The following INTS6 variants were observed in gnomAD, a reference collection of about 807,000 sequenced individuals.
The protein encoded by INTS6 is DEAD box protein.
A neutral mutation model predicts 104.9 loss-of-function variants in INTS6; 16 were observed. The observed-to-expected ratio is 0.15, with a 90% CI of 0.10 to 0.23. The LOEUF is 0.23. Among genes scored for constraint, INTS6 ranks in the 10% least tolerant of loss-of-function variants. The pLI is 1.00. For missense variants in INTS6, 584 were observed against 1,062.8 expected (o/e 0.55, Z 6.26); for synonymous variants, 324 against 358.7 (o/e 0.90, Z 1.09).
chr13:51,452,129 GC>G lies in INTS6; in HGVS notation c.112-75del. On this transcript the variant is annotated intron_variant, in intron 1 of 17. Transcript: ENST00000311234. The surrounding 1 kb of genome is among the most constrained non-coding windows in gnomAD (Gnocchi z 4.2). The stretch of plus-strand genomic sequence containing the variant: ...CGAGGTTACGAGGCGGAGAAGGGGC[GC>G]CCAGCGGCCCCGCCGCCCCCACAGT... 1 of 1,391,016 alleles carries G rather than the reference GC, an allele frequency of 7.2e-7. No homozygotes were observed. The highest frequency in any genetic ancestry group is 1.0e-6 in the Non-Finnish European group (1 of 996,528). The allele number at this position is 1,391,016 out of a possible 1,614,324, so 86.2% of individuals were successfully genotyped here. A position where few individuals can be genotyped will look rare whatever the true frequency, so the allele number is the denominator to read the frequency against.
intron 3 of INTS6, among the ~76,000 whole-genome samples, chr13:51,433,583 T>TAGCA (rs1432161134): frequency 6.6e-6 from 1 of 152,232 alleles, no homozygotes; most frequent in African/African-American, 2.4e-5. Context: ...ATCTACCATG[T>TAGCA]AGCAGACTCA....
chr13:51,335,023 G>A, the INTS6 span, among the ~76,000 whole-genome samples: 1 of 150,686 alleles, frequency 6.6e-6, no homozygotes, highest in African/African-American at 2.4e-5. Flanking sequence ...TAAAGCCGTA[G>A]TTATGAAAGC....
chr13:51,378,428 A>G lies in INTS6; in HGVS notation c.1413T>C (p.Ile471=). ...QQAKIESDRV[I]GSVGKKVVQE... is the part of the protein sequence containing the mutation. ...GTACTACTTTTTTGCCTACAGATCC[A>G]ATGACTCGATCAGATTCTATTTTGG... Residue 471 remains isoleucine (I), a synonymous_variant, in exon 12 of 18, where the codon ATT becomes ATC. Coordinates refer to ENST00000311234, the MANE Select transcript of INTS6 (RefSeq NM_012141.3). The G allele has an allele frequency of 6.2e-7, 1 of 1,613,098 alleles. No individual in the cohort carries two copies. The highest frequency in any genetic ancestry group is 1.3e-5 in the African/African-American group (1 of 75,018).
downstream of INTS6, among the ~76,000 whole-genome samples, chr13:51,350,471 T>A (rs184994647): frequency 8.2e-4 from 125 of 152,264 alleles, 2 homozygotes; most frequent in Non-Finnish European, 1.2e-3. Flanking sequence ...TAGGTCAACA[T>A]AGAAGGCTGA....
chr13:51,348,119 C>T, the INTS6 span: 2 of 944,906 alleles, frequency 2.1e-6, no homozygotes, highest in South Asian at 1.7e-5. Flanking sequence ...TTTATTGTTT[C>T]CAGTCCTCTG....
downstream of INTS6, chr13:51,361,321 G>T (rs1371925348): frequency 6.2e-7 from 1 of 1,610,344 alleles, no homozygotes; most frequent in East Asian, 2.2e-5. Context: ...ACAAGGCCAA[G>T]ATTGAAGTTT....
chr13:51,400,900 T>C (rs1355247722), intron 4 of INTS6, among the ~76,000 whole-genome samples: 1 of 152,172 alleles, frequency 6.6e-6, no homozygotes, highest in Admixed American at 6.5e-5. Context: ...TTAAATTTTT[T>C]AAAATCCAAA....
At chr13:51,359,469 T>G (rs1955529004), downstream of INTS6, among the ~76,000 whole-genome samples, 1 of 152,084 alleles carries the variant, frequency 6.6e-6, no homozygotes, top group Admixed American at 6.6e-5. Context: ...TAAATGTCAA[T>G]TATTGGACCA....
chr13:51,408,446 T>C (rs1045427028), intron 4 of INTS6, among the ~76,000 whole-genome samples: 2 of 152,164 alleles, frequency 1.3e-5, no homozygotes, highest in African/African-American at 4.8e-5. Flanking sequence ...CACCCGGTCA[T>C]TGAGTTTTAT....
At chr13:51,420,552 A>C (rs1956878217) in intron 4 of INTS6, among the ~76,000 whole-genome samples, 1 of 152,122 alleles carries the variant, frequency 6.6e-6, no homozygotes, top group African/African-American at 2.4e-5. Flanking sequence ...TGCAGGTAGT[A>C]CTAATATTCT....
At chr13:51,360,306 G>A (rs201952762), downstream of INTS6, among the ~76,000 whole-genome samples, 13 of 151,990 alleles carry the variant, frequency 8.6e-5, no homozygotes, top group East Asian at 9.6e-4. Flanking sequence ...TCTGAAAGGC[G>A]GCAGTGTTTG....
chr13:51,338,714 A>G, the INTS6 span, among the ~76,000 whole-genome samples: 1 of 152,226 alleles, frequency 6.6e-6, no homozygotes, highest in African/African-American at 2.4e-5. Context: ...ATGTGATGCA[A>G]TTATAGAACT....
rs1349678108 is a variant in INTS6 at position 51,452,695 on chromosome 13, GT to G, written c.-171del. The G allele has an allele frequency of 7.3e-7, 1 of 1,378,790 alleles. No homozygotes were observed. The highest frequency in any genetic ancestry group is 9.4e-7 in the Non-Finnish European group (1 of 1,065,584). 85.4% of individuals were successfully genotyped at this position (1,378,790 alleles called of 1,614,324 possible). On this transcript the variant is annotated 5_prime_UTR_variant, in exon 1 of 18. Coordinates refer to ENST00000311234, the MANE Select transcript of INTS6 (RefSeq NM_012141.3). This position sits in a 1 kb window ranked among gnomAD's most constrained non-coding sequence, Gnocchi z 4.2. ...GCTGCGGGGAGTTTCTCCCCCGATA[GT>G]TGAGAGGAAACTCCCCAGACCCAGT...
intron 4 of INTS6, among the ~76,000 whole-genome samples, chr13:51,400,956 T>C (rs1314795429): frequency 6.6e-6 from 1 of 152,194 alleles, no homozygotes; most frequent in Non-Finnish European, 1.5e-5. Flanking sequence ...ATATTCCTTA[T>C]TCTTATCCAA....
At chr13:51,447,816 T>G (rs1386916865) in intron 3 of INTS6, 1 of 151,496 alleles carries the variant, frequency 6.6e-6, no homozygotes, top group Non-Finnish European at 1.5e-5. Flanking sequence ...CCTAGCACTT[T>G]GGGAGGCCAA....
the INTS6 span, among the ~76,000 whole-genome samples, chr13:51,344,806 AC>A: frequency 1.3e-5 from 2 of 152,144 alleles, no homozygotes; most frequent in African/African-American, 4.8e-5. Context: ...CTCCCATGCA[AC>A]TGTCCCCCGA....
At chr13:51,416,728 T>A (rs1956794221) in intron 4 of INTS6, among the ~76,000 whole-genome samples, 1 of 152,220 alleles carries the variant, frequency 6.6e-6, no homozygotes, top group Non-Finnish European at 1.5e-5. Flanking sequence ...TTTCTTTAGG[T>A]ATATACCCCA....
At position 51,396,242 on chromosome 13, in the gene INTS6, T is replaced by A. The variant is rs115055986; in HGVS notation, c.430-759A>T. 4.0e-3 allele frequency among the ~76,000 whole-genome samples: 609 copies of A among 152,334 alleles called. 4 individuals are homozygous for A. The highest frequency in any genetic ancestry group is 0.014 in the African/African-American group (562 of 41,570). On this transcript the variant is annotated intron_variant, in intron 4 of 17. Transcript: ENST00000311234. ...ATTTTAAAATATGCTTCATTTTATATAAGATAAACAATCTCAAAGCATTTG... is the reference window on the plus strand; with the variant it reads ...ATTTTAAAATATGCTTCATTTTATAAAAGATAAACAATCTCAAAGCATTTG...
chr13:51,342,151 G>A, the INTS6 span, among the ~76,000 whole-genome samples: 1 of 141,728 alleles, frequency 7.1e-6, no homozygotes, highest in South Asian at 2.2e-4. Flanking sequence ...TCCTAGACTA[G>A]GATCTAGGAA....
Sources: gnomAD v4.1 joint callset for allele counts (sites outside exome capture counted in the v4.1 genomes callset) on GRCh38, gnomAD v4.1.1 for gene constraint, Gnocchi (gnomAD v3.1) non-coding constraint, MANE v1.5 for transcripts, NCBI Gene and HGNC (gene_info 2026-07-23, HGNC 2026-07-21) for gene names.